The following CBFA2T3 variants were observed in gnomAD, a reference collection of about 807,000 sequenced individuals.
The protein encoded by CBFA2T3 is CBFA2/RUNX1 partner transcriptional co-repressor 3, also known as transcriptional corepressor CBFA2T3.
In CBFA2T3, 31 loss-of-function variants were observed where a neutral mutation model predicts 58.6. That is an observed-to-expected ratio of 0.53 (90% confidence interval 0.40 to 0.71). The LOEUF is 0.71. Among genes scored for constraint, CBFA2T3 ranks in the 30% least tolerant of loss-of-function variants. The pLI, the probability that CBFA2T3 is intolerant of heterozygous loss-of-function variation, is 0.00. For synonymous variants in CBFA2T3, 531 were observed against 421.9 expected, an observed-to-expected ratio of 1.26 and a Z score of -3.17; for missense variants, 1,076 against 963.1, an observed-to-expected ratio of 1.12 and a Z score of -1.55.
At chr16:88,914,976 G>A (rs1970645057) in intron 1 of CBFA2T3, among the ~76,000 whole-genome samples, 1 of 151,794 alleles carries the variant, frequency 6.6e-6, no homozygotes. Context: ...TGCCGGGGCG[G>A]GGTGGGGGTG....
At chr16:88,964,615 A>G (rs1169648036) in intron 1 of CBFA2T3, among the ~76,000 whole-genome samples, 1 of 152,072 alleles carries the variant, frequency 6.6e-6, no homozygotes, top group Non-Finnish European at 1.5e-5. Flanking sequence ...GGAATAATAC[A>G]CCTTTCACAC....
At chr16:88,879,222 C>A (rs370590896) in intron 11 of CBFA2T3, 48 bp downstream of exon 11, 1 of 1,511,770 alleles carries the variant, frequency 6.6e-7, no homozygotes, top group African/African-American at 1.4e-5. Context: ...TGGGACCGCA[C>A]GGGAGCCGAG....
intron 7 of CBFA2T3, among the ~76,000 whole-genome samples, chr16:88,882,981 C>T (rs1440840528): frequency 2.6e-5 from 4 of 152,226 alleles, no homozygotes; most frequent in Admixed American, 6.5e-5. Context: ...CCCTGCAACA[C>T]GGCACACGCC....
At chr16:88,900,984 C>T (rs557794169) in intron 2 of CBFA2T3, among the ~76,000 whole-genome samples, 9 of 152,374 alleles carry the variant, frequency 5.9e-5, no homozygotes, top group Non-Finnish European at 1.2e-4. Flanking sequence ...CGTGCTCAGC[C>T]GGGCTGTGGA....
intron 1 of CBFA2T3, chr16:88,957,646 A>ATGCAGT (rs1409804391): frequency 6.6e-6 from 1 of 152,294 alleles, no homozygotes; most frequent in Non-Finnish European, 1.5e-5. Flanking sequence ...AGCCGAGCAC[A>ATGCAGT]GATAAACTCA....
intron 1 of CBFA2T3, among the ~76,000 whole-genome samples, chr16:88,973,327 C>T (rs1454383131): frequency 1.3e-5 from 2 of 152,156 alleles, no homozygotes; most frequent in African/African-American, 2.4e-5. Flanking sequence ...GTAGTGGCTG[C>T]GGCACGGCGG....
At position 88,877,119 on chromosome 16, in the gene CBFA2T3, C is replaced by T. The variant is rs1227761430; in HGVS notation, c.1819G>A (p.Val607Met). 2 of 1,547,946 alleles carry T rather than the reference C, an allele frequency of 1.3e-6. No individual in the cohort carries two copies. The highest frequency in any genetic ancestry group is 2.4e-5 in the East Asian group (1 of 40,908). ...TGGGCGGCTTCGGGCGGTCCAGGCACCGGGTCGGCCACCACGGCTGTGGGG... is the reference window on the plus strand; with the variant it reads ...TGGGCGGCTTCGGGCGGTCCAGGCATCGGGTCGGCCACCACGGCTGTGGGG... ...QGPTAVVADP[V>M]PGPPEAAHSL... Residue 607 changes from valine to methionine, a missense_variant, in exon 12 of 12, where the codon GTG (valine) becomes ATG (methionine). Coordinates refer to ENST00000268679, the MANE Select transcript of CBFA2T3 (RefSeq NM_005187.6).
At chr16:88,974,625 T>C (rs969501698) in intron 1 of CBFA2T3, among the ~76,000 whole-genome samples, 1 of 152,212 alleles carries the variant, frequency 6.6e-6, no homozygotes, top group Admixed American at 6.5e-5. Flanking sequence ...GAAATATTAC[T>C]GTTCTCCCCA....
At chr16:88,911,116 C>A (rs539411178) in intron 1 of CBFA2T3, among the ~76,000 whole-genome samples, 73 of 152,392 alleles carry the variant, frequency 4.8e-4, no homozygotes, top group African/African-American at 1.6e-3. Context: ...TCCTATTTCT[C>A]TCCCAGGCCC....
Position 88,932,791 on chromosome 16 carries a change from CAAAAAAAAAAAAA to C in CBFA2T3, c.152-31148_152-31136del, listed in dbSNP as rs576934029. 4.7e-4 allele frequency among the ~76,000 whole-genome samples: 13 copies of C among 27,862 alleles called. No homozygotes were observed. The East Asian group carries it at 4.8e-3, about 10-fold the overall frequency. The allele number at this position is 27,862 out of a possible 152,430, so 18.3% of individuals were successfully genotyped here. A position where few individuals can be genotyped will look rare whatever the true frequency, so the allele number is the denominator to read the frequency against. On this transcript the variant is annotated intron_variant, in intron 1 of 11. Transcript: ENST00000268679. Reference sequence around the variant, plus strand: ...GGCAAACCCGTCTCTACTAAAAATACAAAAAAAAAAAAAAAAAAAAAAAAAAAAAAAGCCGGGT... The same window carrying C: ...GGCAAACCCGTCTCTACTAAAAATACAAAAAAAAAAAAAAAAAAGCCGGGT...
intron 2 of CBFA2T3, among the ~76,000 whole-genome samples, chr16:88,898,595 G>A (rs1032306280): frequency 1.3e-5 from 2 of 152,192 alleles, no homozygotes; most frequent in Non-Finnish European, 2.9e-5. Context: ...TTCCCAGAAG[G>A]CCCCTGTGAC....
chr16:88,878,711 C>T (rs1968936803), intron 11 of CBFA2T3, among the ~76,000 whole-genome samples: 1 of 152,292 alleles, frequency 6.6e-6, no homozygotes, highest in East Asian at 1.9e-4. Context: ...TTTGGGATGC[C>T]GAGGCGGGTG....
At chr16:88,949,723 A>G (rs967047968) in intron 1 of CBFA2T3, among the ~76,000 whole-genome samples, 1 of 151,676 alleles carries the variant, frequency 6.6e-6, no homozygotes, top group Non-Finnish European at 1.5e-5. Context: ...AGAAGAAAAC[A>G]AAAGGGACCA....
chr16:88,964,055 ATGG>A, intron 1 of CBFA2T3, among the ~76,000 whole-genome samples: 1 of 152,322 alleles, frequency 6.6e-6, no homozygotes, highest in Non-Finnish European at 1.5e-5. Flanking sequence ...GCACAGCTCT[ATGG>A]GGGTCTTTAA....
chr16:88,884,268 G>C (rs1247592498), intron 7 of CBFA2T3: 1 of 152,262 alleles, frequency 6.6e-6, no homozygotes. Flanking sequence ...TGCTGACCCT[G>C]CTGCTGGGCC....
At chr16:88,957,888 G>A (rs1056535444) in intron 1 of CBFA2T3, 1 of 152,254 alleles carries the variant, frequency 6.6e-6, no homozygotes, top group Non-Finnish European at 1.5e-5. Context: ...GTTTCTTTTG[G>A]GGGAAAATGT....
rs116544935 is a variant in CBFA2T3 at position 88,948,279 on chromosome 16, A to T, written c.151+28378T>A. On this transcript the variant is annotated intron_variant, in intron 1 of 11. Transcript: ENST00000268679. ...CTGTTTCATGCAAAGACAAGAAATCAGCAGGTTGCAGCAGAGACACATTCG... is the reference window on the plus strand; with the variant it reads ...CTGTTTCATGCAAAGACAAGAAATCTGCAGGTTGCAGCAGAGACACATTCG... Among the ~76,000 whole-genome samples, 407 of 152,374 alleles carry T rather than the reference A, an allele frequency of 2.7e-3. 5 individuals carry two copies. Among genetic ancestry groups the T allele is most frequent in the African/African-American group, 8.9e-3 (370 of 41,578 alleles).
At chr16:88,971,630 G>A (rs573991802) in intron 1 of CBFA2T3, among the ~76,000 whole-genome samples, 55 of 152,342 alleles carry the variant, frequency 3.6e-4, no homozygotes, top group African/African-American at 1.2e-3. Context: ...CTGCAGGCCG[G>A]CCTCTGGCTT....
intron 1 of CBFA2T3, among the ~76,000 whole-genome samples, chr16:88,920,213 T>C (rs113311049): frequency 0.05 from 7,604 of 152,296 alleles, 452 homozygotes; most frequent in African/African-American, 0.14. Context: ...TGACAGTCGC[T>C]GGAGCCCCAA....
Sources: allele counts gnomAD v4.1 joint callset (sites outside exome capture counted in the v4.1 genomes callset), GRCh38; gene constraint gnomAD v4.1.1; transcripts MANE v1.5; gene names NCBI Gene and HGNC (gene_info 2026-07-23, HGNC 2026-07-21).